The following PBX1 variants were observed in gnomAD, a reference collection of about 807,000 sequenced individuals.
The protein encoded by PBX1 is PBX homeobox 1.
A neutral mutation model predicts 53.4 loss-of-function variants in PBX1; 6 were observed. The ratio of observed to expected loss-of-function variants is 0.11; its 90% confidence interval spans 0.06 to 0.22. PBX1 has a LOEUF of 0.22. Among genes scored for constraint, PBX1 ranks in the 10% least tolerant of loss-of-function variants. The pLI, the probability that PBX1 is intolerant of heterozygous loss-of-function variation, is 1.00. For missense variants in PBX1, 251 were observed against 551.4 expected, an observed-to-expected ratio of 0.46 and a Z score of 5.46; for synonymous variants, 204 against 212.3, an observed-to-expected ratio of 0.96 and a Z score of 0.34.
Position 164,637,104 on chromosome 1 carries a change from G to A in PBX1, c.265+73793G>A, listed in dbSNP as rs538493214. On this transcript the variant is annotated intron_variant, in intron 2 of 8. Coordinates refer to ENST00000420696, the MANE Select transcript of PBX1 (RefSeq NM_002585.4). ...TGAGGGGAAAAATTCTCCAGCTGGG[G>A]CTGAGAAGAAAATGAAATACCAATG... 2.6e-5 allele frequency among the ~76,000 whole-genome samples: 4 copies of A among 152,232 alleles called. No individual in the cohort carries two copies. The East Asian group carries it at 7.8e-4, about 30-fold the overall frequency.
chr1:164,687,258 T>C (rs1571221217), intron 2 of PBX1, among the ~76,000 whole-genome samples: 1 of 152,112 alleles, frequency 6.6e-6, no homozygotes, highest in South Asian at 2.1e-4. Context: ...CAACTGTTTA[T>C]CAACTGGTAT....
chr1:164,731,788 A>G (rs771186148), intron 2 of PBX1, among the ~76,000 whole-genome samples: 5 of 152,234 alleles, frequency 3.3e-5, no homozygotes, highest in Non-Finnish European at 7.3e-5. Flanking sequence ...CCAGTCAAAG[A>G]GCAGAGCCTT....
intron 2 of PBX1, among the ~76,000 whole-genome samples, chr1:164,876,374 C>T (rs1571552885): frequency 6.6e-6 from 1 of 151,108 alleles, no homozygotes; most frequent in Non-Finnish European, 1.5e-5. Flanking sequence ...GGAGTTGCTG[C>T]GTTCTCTTCC....
intron 2 of PBX1, among the ~76,000 whole-genome samples, chr1:164,689,647 G>A (rs1339373914): frequency 2.0e-5 from 3 of 152,154 alleles, no homozygotes; most frequent in South Asian, 2.1e-4. Context: ...CACATTTAAC[G>A]TTAAATCATT....
At chr1:164,686,934 G>A (rs2102011306) in intron 2 of PBX1, among the ~76,000 whole-genome samples, 1 of 151,684 alleles carries the variant, frequency 6.6e-6, no homozygotes, top group Middle Eastern at 3.4e-3. Flanking sequence ...TCCAGCCTGG[G>A]CGACAGAGCG....
chr1:164,833,524 T>C (rs1670872395), intron 8 of PBX1, among the ~76,000 whole-genome samples: 1 of 152,214 alleles, frequency 6.6e-6, no homozygotes, highest in African/African-American at 2.4e-5. Flanking sequence ...GCCTATCTTC[T>C]GGAAGTACTT....
chr1:164,645,242 C>T (rs528008767), intron 2 of PBX1, among the ~76,000 whole-genome samples: 8 of 152,144 alleles, frequency 5.3e-5, no homozygotes, highest in African/African-American at 1.7e-4. Flanking sequence ...GGATTCCCCC[C>T]CTTCTTTTGG....
chr1:164,645,046 T>C (rs554932866), intron 2 of PBX1, among the ~76,000 whole-genome samples: 212 of 152,228 alleles, frequency 1.4e-3, no homozygotes, highest in Non-Finnish European at 2.6e-3. Flanking sequence ...GTATATCTCT[T>C]TGTTTAGTTT....
At chr1:164,780,171 C>T (rs1048842644) in intron 2 of PBX1, among the ~76,000 whole-genome samples, 1 of 152,102 alleles carries the variant, frequency 6.6e-6, no homozygotes, top group Non-Finnish European at 1.5e-5. Context: ...GGTCCAGAGA[C>T]CCCCTGCTCT....
At position 164,869,224 on chromosome 1, in the gene PBX1, G is replaced by A. The variant is rs140897678; in HGVS notation, n.258-29964G>A. On this transcript the variant is annotated intron_variant and non_coding_transcript_variant, in intron 2 of 2. Coordinates refer to the PBX1 transcript ENST00000558796. ...CGTCAGAACACTGTGCAACAGTGAC[G>A]ATGGCAGTCATGATGACTTTACTCC... Among the ~76,000 whole-genome samples the A allele has an allele frequency of 8.6e-3, 1,309 of 152,238 alleles. 9 individuals carry two copies. Among genetic ancestry groups the A allele is most frequent in the East Asian group, 0.024 (123 of 5,184 alleles).
chr1:164,620,659 G>T (rs1047377525), intron 2 of PBX1, among the ~76,000 whole-genome samples: 1 of 152,044 alleles, frequency 6.6e-6, no homozygotes, highest in Non-Finnish European at 1.5e-5. Flanking sequence ...GAAAGTCAAA[G>T]AAATGTTTTC....
intron 2 of PBX1, chr1:164,683,315 A>AT (rs1342313123): frequency 6.6e-6 from 1 of 152,216 alleles, no homozygotes; most frequent in African/African-American, 2.4e-5. Context: ...GCCTAAGGTC[A>AT]TTAGAAAGTG....
chr1:164,855,277 A>G (rs989238588), downstream of PBX1, among the ~76,000 whole-genome samples: 2 of 152,160 alleles, frequency 1.3e-5, no homozygotes, highest in African/African-American at 4.8e-5. Flanking sequence ...TCAAAGGAAT[A>G]TTAGTCTACA....
In PBX1 at chr1:164,559,337, G is replaced by A. The variant is rs1210910849; in HGVS notation, c.-486G>A. The A allele has an allele frequency of 5.0e-6, 1 of 200,850 alleles. No individual in the cohort carries two copies. Among genetic ancestry groups the A allele is most frequent in the Non-Finnish European group, 1.0e-5 (1 of 97,760 alleles). The allele number at this position is 200,850 out of a possible 1,614,324, so 12.4% of individuals were successfully genotyped here. A position where few individuals can be genotyped will look rare whatever the true frequency, so the allele number is the denominator to read the frequency against. ...TCACTCTGGCCCGGAGTGGGGGTGG[G>A]GGGCAGCGGGGGGTGGGGGGGGAAA... On this transcript the variant is annotated 5_prime_UTR_variant, in exon 1 of 9. Transcript: ENST00000420696.
chr1:164,615,755 A>G (rs1322988626), intron 2 of PBX1, among the ~76,000 whole-genome samples: 1 of 152,190 alleles, frequency 6.6e-6, no homozygotes, highest in Non-Finnish European at 1.5e-5. Context: ...TGTGCCCACC[A>G]CAACTAAATA....
chr1:164,838,560 G>C (rs760493325), intron 8 of PBX1, among the ~76,000 whole-genome samples: 11 of 152,178 alleles, frequency 7.2e-5, no homozygotes, highest in Non-Finnish European at 1.6e-4. Context: ...GCTGTGCTCT[G>C]CATGTGGAGC....
rs921821272 is a variant in PBX1 at position 164,851,821 on chromosome 1, C to CA, written c.*5154dup. 2.8e-4 allele frequency: 48 copies of CA among 169,920 alleles called. No individual in the cohort carries two copies. The highest frequency in any genetic ancestry group is 1.0e-3 in the South Asian group (5 of 4,888). 10.5% of individuals were successfully genotyped at this position (169,920 alleles called of 1,614,324 possible). A position where few individuals can be genotyped will look rare whatever the true frequency, so the allele number is the denominator to read the frequency against. On this transcript the variant is annotated 3_prime_UTR_variant, in exon 9 of 9. Coordinates refer to ENST00000420696, the MANE Select transcript of PBX1 (RefSeq NM_002585.4). ...TCCAAATAAATAGTTTCTTTTGTTG[C>CA]AAAAAAAAATACTTGTATTTTGTGC...
chr1:164,627,919 C>T (rs559989447), intron 2 of PBX1, among the ~76,000 whole-genome samples: 29 of 152,086 alleles, frequency 1.9e-4, no homozygotes, highest in South Asian at 6.2e-4. Flanking sequence ...CTGCTATGAC[C>T]GTATATTTGA....
At chr1:164,627,783 T>C (rs1193887904) in intron 2 of PBX1, among the ~76,000 whole-genome samples, 1 of 152,162 alleles carries the variant, frequency 6.6e-6, no homozygotes, top group Non-Finnish European at 1.5e-5. Context: ...ATAATACCAA[T>C]ACATTGCATC....
Sources: gnomAD v4.1 joint callset for allele counts (sites outside exome capture counted in the v4.1 genomes callset) on GRCh38, gnomAD v4.1.1 for gene constraint, MANE v1.5 for transcripts, NCBI Gene and HGNC (gene_info 2026-07-23, HGNC 2026-07-21) for gene names.